The following MAN1A1 variants were observed in gnomAD, a reference collection of about 807,000 sequenced individuals.
MAN1A1 encodes the protein mannosidase alpha class 1A member 1, also known as mannosyl-oligosaccharide 1,2-alpha-mannosidase IA.
A neutral mutation model predicts 70.8 loss-of-function variants in MAN1A1; 29 were observed. The observed-to-expected ratio is 0.41, with a 90% CI of 0.31 to 0.56. MAN1A1 has a LOEUF of 0.56. MAN1A1 is among the 20% of genes least tolerant of loss of function. MAN1A1 has a pLI of 0.29. For missense variants in MAN1A1, 747 were observed against 841.3 expected (o/e 0.89, Z 1.39); for synonymous variants, 349 against 330.1 (o/e 1.06, Z -0.62).
intron 5 of MAN1A1, among the ~76,000 whole-genome samples, chr6:119,254,607 T>C (rs1201672552): frequency 1.3e-5 from 2 of 152,154 alleles, no homozygotes; most frequent in Non-Finnish European, 2.9e-5. Context: ...AGGTGAAAAA[T>C]TACAGTTCAT....
chr6:119,195,745 G>GT (rs1426801802), intron 8 of MAN1A1, among the ~76,000 whole-genome samples: 5 of 152,172 alleles, frequency 3.3e-5, no homozygotes, highest in African/African-American at 9.7e-5. Flanking sequence ...ATAAAGGGCT[G>GT]TAACTACTCA....
intron 3 of MAN1A1, among the ~76,000 whole-genome samples, chr6:119,305,993 C>T (rs1055439005): frequency 4.6e-5 from 7 of 152,128 alleles, no homozygotes; most frequent in African/African-American, 1.7e-4. Context: ...TTTTTCTCAC[C>T]TATAAAATGT....
intron 4 of MAN1A1, among the ~76,000 whole-genome samples, chr6:119,296,716 GAAA>G (rs3839395): frequency 6.7e-6 from 1 of 148,444 alleles, no homozygotes; most frequent in Non-Finnish European, 1.5e-5. Context: ...TAACATTAAA[GAAA>G]AAAAAAAAGT....
intron 2 of MAN1A1, among the ~76,000 whole-genome samples, chr6:119,316,837 TA>T (rs944832950): frequency 8.0e-4 from 121 of 152,200 alleles, no homozygotes; most frequent in African/African-American, 2.8e-3. Flanking sequence ...TAGTAGTTAA[TA>T]AAGTTACTAA....
chr6:119,256,526 T>C (rs113510952), intron 5 of MAN1A1, among the ~76,000 whole-genome samples: 165 of 152,076 alleles, frequency 1.1e-3, no homozygotes, highest in Non-Finnish European at 2.2e-3. Flanking sequence ...TGGGAAGAAC[T>C]TCAGGCTGTT....
chr6:119,224,167 T>C (rs887117704), intron 6 of MAN1A1, among the ~76,000 whole-genome samples: 2 of 152,058 alleles, frequency 1.3e-5, no homozygotes, highest in Admixed American at 1.3e-4. Context: ...AAATAAGACA[T>C]GCTATAAGGG....
intron 9 of MAN1A1, among the ~76,000 whole-genome samples, chr6:119,191,982 T>C (rs1257772465): frequency 3.6e-5 from 3 of 82,540 alleles, no homozygotes; most frequent in African/African-American, 6.0e-5. Context: ...GTTGAAAATA[T>C]ACAGTGGATT....
chr6:119,255,938 A>C (rs1481357371), intron 5 of MAN1A1, among the ~76,000 whole-genome samples: 1 of 152,250 alleles, frequency 6.6e-6, no homozygotes, highest in Non-Finnish European at 1.5e-5. Context: ...AATATATTTA[A>C]TTAGATGACT....
At chr6:119,297,651 T>C (rs1299182750) in intron 4 of MAN1A1, among the ~76,000 whole-genome samples, 1 of 151,358 alleles carries the variant, frequency 6.6e-6, no homozygotes, top group East Asian at 1.9e-4. Flanking sequence ...TGTATGCTTG[T>C]CACAAAGATT....
chr6:119,227,488 T>C (rs552922942), intron 6 of MAN1A1, among the ~76,000 whole-genome samples: 10 of 152,318 alleles, frequency 6.6e-5, no homozygotes, highest in Admixed American at 2.6e-4. Context: ...CATTGTTTTG[T>C]TTGTTTTTGA....
intron 6 of MAN1A1, among the ~76,000 whole-genome samples, chr6:119,241,972 GTA>G (rs1474352588): frequency 6.7e-6 from 1 of 148,788 alleles, no homozygotes; most frequent in Non-Finnish European, 1.5e-5. Context: ...GTGTGTGTGT[GTA>G]TATGTGTGTG....
At chr6:119,222,377 A>G (rs1444470343) in intron 6 of MAN1A1, among the ~76,000 whole-genome samples, 1 of 128,086 alleles carries the variant, frequency 7.8e-6, no homozygotes, top group East Asian at 2.3e-4. Context: ...CTCAGGCTGG[A>G]CTGCAGTGGT....
rs561546372 is a variant in MAN1A1 at position 119,252,320 on chromosome 6, G to A, written c.898-3966C>T. Among the ~76,000 whole-genome samples, 3 of 152,214 alleles carry A rather than the reference G, an allele frequency of 2.0e-5. No individual in the cohort carries two copies. The South Asian group carries it at 6.2e-4, about 32-fold the overall frequency. ...CTCGCTTTATTAATTTTTTCCTAATGAATTATTGTTTATTTTATGTTGATT... is the reference window on the plus strand; with the variant it reads ...CTCGCTTTATTAATTTTTTCCTAATAAATTATTGTTTATTTTATGTTGATT... On this transcript the variant is annotated intron_variant, in intron 5 of 12. Transcript: ENST00000368468.
intron 6 of MAN1A1, among the ~76,000 whole-genome samples, chr6:119,221,072 T>C (rs2114257455): frequency 6.6e-6 from 1 of 150,996 alleles, no homozygotes; most frequent in Non-Finnish European, 1.5e-5. Context: ...AAATGTATTA[T>C]CAGCAGGTCA....
chr6:119,301,994 A>G lies in MAN1A1; in HGVS notation c.810T>C (p.Phe270=), dbSNP rs1267299538. ...AAATTCTTATTTAACTTACCACATT[A>G]AAATCTAAATTTTCTTCAACCCATG... The part of the protein sequence containing the change: ...AKSWVEENLD[F]NVNAEISVFE... The change falls in exon 4 of 13, where the codon TTT becomes TTC. Residue 270 remains phenylalanine (F), a synonymous_variant. Transcript: ENST00000368468. The G allele has an allele frequency of 6.6e-7, 1 of 1,524,632 alleles. No homozygotes were observed. The highest frequency in any genetic ancestry group is 1.4e-5 in the African/African-American group (1 of 73,186). 94.4% of individuals were successfully genotyped at this position (1,524,632 alleles called of 1,614,324 possible). A position where few individuals can be genotyped will look rare whatever the true frequency, so the allele number is the denominator to read the frequency against.
chr6:119,203,534 G>A (rs1773774021), intron 7 of MAN1A1, among the ~76,000 whole-genome samples: 1 of 152,082 alleles, frequency 6.6e-6, no homozygotes, highest in African/African-American at 2.4e-5. Context: ...AGAAGGCTGA[G>A]GGGGTGAGGA....
intron 5 of MAN1A1, among the ~76,000 whole-genome samples, chr6:119,278,659 C>T (rs1454946855): frequency 1.3e-5 from 2 of 150,920 alleles, no homozygotes; most frequent in African/African-American, 4.9e-5. Flanking sequence ...TTGAAATGTG[C>T]CCCCCCCAGT....
At chr6:119,299,572 TA>T (rs1772327885) in intron 4 of MAN1A1, among the ~76,000 whole-genome samples, 1 of 151,050 alleles carries the variant, frequency 6.6e-6, no homozygotes, top group South Asian at 2.1e-4. Flanking sequence ...ACTAATTGAG[TA>T]AAATTTTATT....
chr6:119,272,293 C>T (rs1465908347), intron 5 of MAN1A1, among the ~76,000 whole-genome samples: 1 of 152,276 alleles, frequency 6.6e-6, no homozygotes, highest in Non-Finnish European at 1.5e-5. Flanking sequence ...TTAATAGTCA[C>T]CTCTTTTATC....
Sources: allele counts gnomAD v4.1 joint callset (sites outside exome capture counted in the v4.1 genomes callset), GRCh38; gene constraint gnomAD v4.1.1; transcripts MANE v1.5; gene names NCBI Gene and HGNC (gene_info 2026-07-23, HGNC 2026-07-21).